Variants in DMD observed in about 807,000 individuals in gnomAD.
DMD encodes dystrophin, also known as mutant dystrophin.
A neutral mutation model predicts 330.1 loss-of-function variants in DMD; 63 were observed. The observed-to-expected ratio is 0.19, with a 90% CI of 0.16 to 0.24. The LOEUF (loss-of-function observed/expected upper bound fraction) is 0.24. DMD is among the 10% of genes least tolerant of loss of function. DMD has a pLI of 1.00. For synonymous variants in DMD, 1,223 were observed against 959.8 expected, an observed-to-expected ratio of 1.27 and a Z score of -5.07; for missense variants, 3,344 against 2,684.1, an observed-to-expected ratio of 1.25 and a Z score of -5.43.
At chrX:32,511,543 A>AG (rs2045335530) in intron 18 of DMD, among the ~76,000 whole-genome samples, 4 of 107,678 alleles carry the variant, frequency 3.7e-5, no homozygotes, top group Admixed American at 2.0e-4. Flanking sequence ...AAAAAAAAAA[A>AG]AAAAGAAAAG....
At chrX:31,495,680 T>G (rs1217388362) in intron 57 of DMD, among the ~76,000 whole-genome samples, 3 of 111,830 alleles carry the variant, frequency 2.7e-5, no homozygotes, top group African/African-American at 9.7e-5. Context: ...AGGAGACAAG[T>G]GCAAAACATT....
intron 43 of DMD, among the ~76,000 whole-genome samples, chrX:32,241,090 T>C (rs1243010054): frequency 8.9e-6 from 1 of 112,302 alleles, no homozygotes; most frequent in Non-Finnish European, 1.9e-5. Flanking sequence ...TATGACTGTA[T>C]TGTTTTTATT....
intron 74 of DMD, among the ~76,000 whole-genome samples, chrX:31,163,528 C>T (rs1357410603): frequency 8.9e-6 from 1 of 112,097 alleles, no homozygotes; most frequent in Non-Finnish European, 1.9e-5. Flanking sequence ...CTTTCCTCTC[C>T]ACTCCAACTT....
intron 59 of DMD, among the ~76,000 whole-genome samples, chrX:31,451,835 T>A (rs58780535): frequency 2.0e-5 from 2 of 101,368 alleles, no homozygotes; most frequent in East Asian, 3.1e-4. Context: ...AAACGTACTT[T>A]AAAAAAAAAA....
At chrX:31,923,034 A>T (rs1287082722) in intron 47 of DMD, among the ~76,000 whole-genome samples, 1 of 111,512 alleles carries the variant, frequency 9.0e-6, no homozygotes, top group South Asian at 3.8e-4. Context: ...TGTTCTCATA[A>T]CTAGAGTGAC....
intron 7 of DMD, among the ~76,000 whole-genome samples, chrX:32,711,151 C>A (rs945753894): frequency 9.0e-6 from 1 of 111,308 alleles, no homozygotes; most frequent in Admixed American, 9.6e-5. Flanking sequence ...TTTAAAATTT[C>A]TTCTTTCCTT....
intron 1 of DMD, among the ~76,000 whole-genome samples, chrX:33,177,092 G>T (rs1360225989): frequency 8.9e-6 from 1 of 112,120 alleles, no homozygotes; most frequent in Non-Finnish European, 1.9e-5. Flanking sequence ...TTGCATCCCA[G>T]AGCTGATCTC....
At chrX:32,587,531 T>C (rs1006881886) in intron 13 of DMD, among the ~76,000 whole-genome samples, 1 of 111,835 alleles carries the variant, frequency 8.9e-6, no homozygotes, top group African/African-American at 3.2e-5. Flanking sequence ...AGAATCATGC[T>C]TTTTAAAGCT....
chrX:33,269,327 T>C, intron 1 of DMD, among the ~76,000 whole-genome samples: 1 of 110,970 alleles, frequency 9.0e-6, no homozygotes, highest in African/African-American at 3.3e-5. Context: ...TTAAGCGAAG[T>C]AATGCAAGAA....
At chrX:31,759,592 G>C (rs2089411596) in intron 51 of DMD, among the ~76,000 whole-genome samples, 1 of 111,814 alleles carries the variant, frequency 8.9e-6, no homozygotes, top group East Asian at 2.8e-4. Flanking sequence ...AAGACAGTTT[G>C]AGTACAAACT....
intron 4 of DMD, among the ~76,000 whole-genome samples, chrX:32,844,414 AAAAAAAAGAAAAG>A (rs748565199): frequency 1.5e-4 from 14 of 95,633 alleles, no homozygotes; most frequent in East Asian, 3.0e-4. Context: ...CTCAAAAAAA[AAAAAAAAGAAAAG>A]AAAAGAAAAG....
At chrX:31,449,647 C>G (rs940085587) in intron 59 of DMD, among the ~76,000 whole-genome samples, 2 of 106,489 alleles carry the variant, frequency 1.9e-5, no homozygotes, top group African/African-American at 6.8e-5. Flanking sequence ...CAGGATAATC[C>G]ATAAAAGGCC....
At chrX:32,096,474 A>G (rs1337667171) in intron 44 of DMD, among the ~76,000 whole-genome samples, 1 of 111,232 alleles carries the variant, frequency 9.0e-6, no homozygotes, top group Non-Finnish European at 1.9e-5. Context: ...CCAACAAAAA[A>G]CGGGAGGCCA....
At chrX:32,402,228 T>C (rs1025460730) in intron 30 of DMD, among the ~76,000 whole-genome samples, 9 of 111,673 alleles carry the variant, frequency 8.1e-5, no homozygotes, top group Non-Finnish European at 1.5e-4. Flanking sequence ...CCCTTTGCTA[T>C]GCATCAAAAT....
intron 6 of DMD, among the ~76,000 whole-genome samples, chrX:32,809,943 A>AAAAAAAG (rs2077242116): frequency 2.4e-5 from 2 of 83,964 alleles, no homozygotes; most frequent in African/African-American, 9.6e-5. Context: ...AAAAAAAAAA[A>AAAAAAAG]AAAGAAAGAA....
rs200079351 is a variant in DMD at position 32,925,152 on chromosome X, T to TTTG, written c.94-75333_94-75332insCAA. On this transcript the variant is annotated intron_variant, in intron 2 of 78. Coordinates refer to ENST00000357033, the MANE Select transcript of DMD (RefSeq NM_004006.3). ...GTTTTTCAAAAACTCTGGGTTTTTT[T>TTTG]TTTTTTTTTTTTTTTTTTTTTTAGA... is the stretch of plus-strand genomic sequence containing the variant. Among the ~76,000 whole-genome samples the TTTG allele has an allele frequency of 5.6e-3, 470 of 84,552 alleles. 3 individuals are homozygous for TTTG. The highest frequency in any genetic ancestry group is 8.1e-3 in the Non-Finnish European group (369 of 45,732). The allele number at this position is 84,552 out of a possible 115,157, so 73.4% of individuals were successfully genotyped here.
In DMD at chrX:32,357,660, T is replaced by TACACACACAC. The variant is rs3044986; in HGVS notation, c.5325+5118_5325+5127dup. On this transcript the variant is annotated intron_variant, in intron 37 of 78. Coordinates refer to ENST00000357033, the MANE Select transcript of DMD (RefSeq NM_004006.3). The stretch of plus-strand genomic sequence containing the variant: ...AATTTCTCAACAGTGCATACACAGA[T>TACACACACAC]ACACACACACACACACACACACACA... Among the ~76,000 whole-genome samples, 881 of 94,856 alleles carry TACACACACAC rather than the reference T, an allele frequency of 9.3e-3. 11 individuals carry two copies. The highest frequency in any genetic ancestry group is 0.032 in the African/African-American group (827 of 25,683). The allele number at this position is 94,856 out of a possible 115,157, so 82.4% of individuals were successfully genotyped here. A position where few individuals can be genotyped will look rare whatever the true frequency, so the allele number is the denominator to read the frequency against.
chrX:31,175,094 T>C (rs1410687008), intron 71 of DMD, among the ~76,000 whole-genome samples: 2 of 112,219 alleles, frequency 1.8e-5, no homozygotes, highest in Non-Finnish European at 3.8e-5. Context: ...TGCTAAGGTC[T>C]GTTTTGAAAT....
intron 60 of DMD, among the ~76,000 whole-genome samples, chrX:31,379,296 C>A (rs996733519): frequency 1.8e-5 from 2 of 111,318 alleles, no homozygotes; most frequent in African/African-American, 6.6e-5. Context: ...AGCCCTCCCC[C>A]ACCTGCCCAG....
Sources: gnomAD v4.1 joint callset for allele counts (sites outside exome capture counted in the v4.1 genomes callset) on GRCh38, gnomAD v4.1.1 for gene constraint, MANE v1.5 for transcripts, NCBI Gene and HGNC (gene_info 2026-07-23, HGNC 2026-07-21) for gene names.